The following RASGRF2 variants were observed in gnomAD, a reference collection of about 807,000 sequenced individuals.
RASGRF2 encodes the protein ras-specific guanine nucleotide-releasing factor 2.
Under a neutral mutation model 151.0 loss-of-function variants are expected in RASGRF2, and 76 were observed. The ratio of observed to expected loss-of-function variants is 0.50; its 90% confidence interval spans 0.42 to 0.61. The LOEUF (loss-of-function observed/expected upper bound fraction) is 0.61, where lower values mean the gene tolerates loss of function less well. RASGRF2 is among the 20% of genes least tolerant of loss of function. RASGRF2 has a pLI of 0.00. For synonymous variants in RASGRF2, 504 were observed against 566.5 expected (o/e 0.89, Z 1.57); for missense variants, 1,148 against 1,564.6 (o/e 0.73, Z 4.49).
At chr5:81,142,391 C>T (rs1280454204) in intron 17 of RASGRF2, among the ~76,000 whole-genome samples, 2 of 152,164 alleles carry the variant, frequency 1.3e-5, no homozygotes, top group African/African-American at 4.8e-5. Context: ...AAGAACTATG[C>T]TCACTTTCTG....
chr5:81,159,472 C>T (rs1754333734), intron 17 of RASGRF2, among the ~76,000 whole-genome samples: 1 of 152,216 alleles, frequency 6.6e-6, no homozygotes, highest in South Asian at 2.1e-4. Context: ...ACCACGTACT[C>T]TACGATTCCT....
chr5:81,061,511 CTT>C (rs201278544), intron 2 of RASGRF2, among the ~76,000 whole-genome samples: 4 of 142,638 alleles, frequency 2.8e-5, no homozygotes, highest in Non-Finnish European at 3.0e-5. Flanking sequence ...TTAAGAAGGA[CTT>C]TTTTTTTTTT....
At chr5:81,072,740 T>A (rs1244390763) in intron 4 of RASGRF2, among the ~76,000 whole-genome samples, 1 of 151,632 alleles carries the variant, frequency 6.6e-6, no homozygotes, top group Non-Finnish European at 1.5e-5. Flanking sequence ...CGAGATGGGG[T>A]CTTGCTGCGT....
intron 17 of RASGRF2, among the ~76,000 whole-genome samples, chr5:81,131,685 G>GA (rs796624027): frequency 0.044 from 5,561 of 126,182 alleles, 322 homozygotes; most frequent in African/African-American, 0.14. Flanking sequence ...TAAAAGAAAA[G>GA]AAAAAAAAAA....
At position 81,050,715 on chromosome 5, in the gene RASGRF2, G is replaced by A. The variant is rs142874323; in HGVS notation, c.395+7732G>A. Among the ~76,000 whole-genome samples, 130 of 152,254 alleles carry A rather than the reference G, an allele frequency of 8.5e-4. 1 individual carries two copies. The South Asian group carries it at 0.027, about 32-fold the overall frequency. On this transcript the variant is annotated intron_variant, in intron 2 of 26. Coordinates refer to ENST00000265080, the MANE Select transcript of RASGRF2 (RefSeq NM_006909.3). The stretch of plus-strand genomic sequence containing the variant: ...GTCCTCTTCCTCTACGAGCAGGAAG[G>A]GCTGACCATTCCCTTCTTTGAGCCC...
rs1289183920 is a variant in RASGRF2 at position 81,228,117 on chromosome 5, A to C, written c.*2347A>C. The C allele has an allele frequency of 6.6e-6, 1 of 152,410 alleles. No homozygotes were observed. Among genetic ancestry groups the C allele is most frequent in the African/African-American group, 2.4e-5 (1 of 41,434 alleles). The allele number at this position is 152,410 out of a possible 1,614,324, so 9.4% of individuals were successfully genotyped here. On this transcript the variant is annotated 3_prime_UTR_variant, in exon 27 of 27. Coordinates refer to ENST00000265080, the MANE Select transcript of RASGRF2 (RefSeq NM_006909.3). ...TTGTTTGTTTGAAAAACAGGGTCTC[A>C]CCATGTTGCCCAGGCTGGTCTCGAA...
chr5:81,079,799 A>T (rs1241569728), intron 5 of RASGRF2, among the ~76,000 whole-genome samples: 1 of 152,172 alleles, frequency 6.6e-6, no homozygotes, highest in Non-Finnish European at 1.5e-5. Flanking sequence ...AGAAAAAAGG[A>T]TCATAACTTT....
chr5:81,043,205 TAGTC>T (rs1750733250), intron 2 of RASGRF2, among the ~76,000 whole-genome samples: 1 of 152,230 alleles, frequency 6.6e-6, no homozygotes, highest in Non-Finnish European at 1.5e-5. Flanking sequence ...GTAGTAGTAG[TAGTC>T]ACTTTTGTGG....
intron 15 of RASGRF2, 143 bp from the exon 16 acceptor site, chr5:81,123,499 T>C: frequency 9.7e-7 from 1 of 1,033,404 alleles, no homozygotes; most frequent in Non-Finnish European, 1.4e-6. Context: ...TTTAGTGTCA[T>C]TAGTACTTGA....
intron 22 of RASGRF2, among the ~76,000 whole-genome samples, chr5:81,208,719 T>A (rs1435931310): frequency 2.0e-5 from 3 of 151,790 alleles, no homozygotes; most frequent in Non-Finnish European, 4.4e-5. Context: ...GCCTGGCTAA[T>A]ATTTTTGTAT....
chr5:81,205,616 TA>T (rs1475411396), intron 19 of RASGRF2, among the ~76,000 whole-genome samples: 4 of 152,258 alleles, frequency 2.6e-5, no homozygotes, highest in African/African-American at 9.6e-5. Flanking sequence ...ACATCATCAT[TA>T]CTTCTTTTAA....
At chr5:81,177,689 G>C (rs1282549487) in intron 17 of RASGRF2, among the ~76,000 whole-genome samples, 1 of 151,702 alleles carries the variant, frequency 6.6e-6, no homozygotes, top group Non-Finnish European at 1.5e-5. Flanking sequence ...AATGTGCTAA[G>C]TACCATAAAG....
At chr5:81,133,115 A>T (rs1443062023) in intron 17 of RASGRF2, among the ~76,000 whole-genome samples, 1 of 152,222 alleles carries the variant, frequency 6.6e-6, no homozygotes, top group Non-Finnish European at 1.5e-5. Context: ...GTCAGGTGGT[A>T]TAATGAAAAA....
chr5:80,967,344 C>T (rs891763963), intron 1 of RASGRF2, among the ~76,000 whole-genome samples: 3 of 152,068 alleles, frequency 2.0e-5, no homozygotes, highest in Non-Finnish European at 4.4e-5. Flanking sequence ...GTCGAGATCA[C>T]GCCATTACAC....
chr5:81,073,399 C>T lies in RASGRF2; in HGVS notation c.834C>T (p.Ser278=). 1 of 1,614,146 alleles carries T rather than the reference C, an allele frequency of 6.2e-7. No individual in the cohort carries two copies. Among genetic ancestry groups the T allele is most frequent in the Non-Finnish European group, 8.5e-7 (1 of 1,180,020 alleles). ...TCCGGCCCCTGCGTATGGCCGCCAGCTCCAAGAAGCCCCCCATCAGCCACG... is the reference window on the plus strand; with the variant it reads ...TCCGGCCCCTGCGTATGGCCGCCAGTTCCAAGAAGCCCCCCATCAGCCACG... The part of the protein sequence containing the change: ...GFLRPLRMAA[S]SKKPPISHDD... Residue 278 remains serine (S), a synonymous_variant, in exon 5 of 27, where the codon AGC becomes AGT. Transcript: ENST00000265080.
chr5:81,032,380 C>T (rs191297968), intron 1 of RASGRF2, among the ~76,000 whole-genome samples: 9 of 152,236 alleles, frequency 5.9e-5, no homozygotes, highest in Non-Finnish European at 1.0e-4. Context: ...TGATGAACAT[C>T]GATGTAAAAA....
intron 17 of RASGRF2, among the ~76,000 whole-genome samples, chr5:81,173,770 A>T (rs1754711347): frequency 6.6e-6 from 1 of 152,206 alleles, no homozygotes; most frequent in African/African-American, 2.4e-5. Context: ...TCTGGAAGAG[A>T]TAGGCACCTT....
At chr5:81,013,839 A>G (rs1749547465) in intron 1 of RASGRF2, among the ~76,000 whole-genome samples, 1 of 152,078 alleles carries the variant, frequency 6.6e-6, no homozygotes, top group Non-Finnish European at 1.5e-5. Context: ...CGGTGTTCCC[A>G]TTTCCCCATG....
At chr5:81,008,297 T>A (rs574430834) in intron 1 of RASGRF2, among the ~76,000 whole-genome samples, 3 of 152,130 alleles carry the variant, frequency 2.0e-5, no homozygotes, top group African/African-American at 7.2e-5. Flanking sequence ...ATTACAGGCA[T>A]GTGTCACCAC....
Sources: allele counts gnomAD v4.1 joint callset (sites outside exome capture counted in the v4.1 genomes callset), GRCh38; gene constraint gnomAD v4.1.1; transcripts MANE v1.5; gene names NCBI Gene and HGNC (gene_info 2026-07-23, HGNC 2026-07-21).